The following UBR3 variants were observed in gnomAD, a reference collection of about 807,000 sequenced individuals.
UBR3 encodes the protein E3 ubiquitin-protein ligase UBR3.
UBR3 carries 85 observed loss-of-function variants against 243.2 expected under a neutral mutation model. That is an observed-to-expected ratio of 0.35 (90% CI 0.29 to 0.42). The LOEUF (loss-of-function observed/expected upper bound fraction) is 0.42. Ranked by LOEUF, UBR3 falls within the 10% of genes least tolerant of loss-of-function variation. UBR3 has a pLI of 1.00. For synonymous variants in UBR3, 748 were observed against 799.8 expected, an observed-to-expected ratio of 0.94 and a Z score of 1.09; for missense variants, 1,686 against 2,300.8, an observed-to-expected ratio of 0.73 and a Z score of 5.47.
At chr2:169,864,876 C>T (rs1226776223) in intron 1 of UBR3, among the ~76,000 whole-genome samples, 2 of 142,936 alleles carry the variant, frequency 1.4e-5, no homozygotes, top group Admixed American at 7.3e-5. Context: ...CACTGCACTC[C>T]AGCCCGGGTG....
At position 170,047,231 on chromosome 2, in the gene UBR3, G is replaced by A. The variant is rs140706357; in HGVS notation, c.4660+6246G>A. Among the ~76,000 whole-genome samples the A allele has an allele frequency of 6.5e-3, 991 of 152,024 alleles. 3 individuals carry two copies. Among genetic ancestry groups the A allele is most frequent in the Non-Finnish European group, 9.4e-3 (638 of 67,986 alleles). On this transcript the variant is annotated intron_variant, in intron 32 of 38. Coordinates refer to ENST00000272793, the MANE Select transcript of UBR3 (RefSeq NM_172070.4). ...TCACTTTGTTGCCCAGGCTGGTCTCGAACTCTGGGCTCAAGGAATCCACCT... is the reference window on the plus strand; with the variant it reads ...TCACTTTGTTGCCCAGGCTGGTCTCAAACTCTGGGCTCAAGGAATCCACCT...
intron 32 of UBR3, among the ~76,000 whole-genome samples, chr2:170,048,652 G>A (rs992961618): frequency 2.6e-5 from 4 of 152,070 alleles, no homozygotes; most frequent in African/African-American, 9.7e-5. Flanking sequence ...TTCCAAATTC[G>A]TAAACCTTGT....
chr2:169,833,813 G>T (rs73022442), intron 1 of UBR3, among the ~76,000 whole-genome samples: 1 of 150,266 alleles, frequency 6.7e-6, no homozygotes, highest in Non-Finnish European at 1.5e-5. Context: ...ACAGGTTCTC[G>T]CAGTGTCTCC....
intron 27 of UBR3, among the ~76,000 whole-genome samples, chr2:170,004,638 C>T (rs1179036845): frequency 1.3e-5 from 2 of 152,004 alleles, no homozygotes; most frequent in African/African-American, 2.4e-5. Context: ...GGGCCAGGTA[C>T]GGTGGCTCAT....
chr2:169,982,949 C>T (rs765437153), intron 24 of UBR3, among the ~76,000 whole-genome samples: 3 of 152,128 alleles, frequency 2.0e-5, no homozygotes, highest in Non-Finnish European at 4.4e-5. Context: ...AATTGTGGGT[C>T]TGTGATCTGC....
chr2:169,879,359 A>C (rs908303186), intron 5 of UBR3, among the ~76,000 whole-genome samples: 2 of 152,288 alleles, frequency 1.3e-5, no homozygotes, highest in African/African-American at 4.8e-5. Flanking sequence ...TCTGTTGTGG[A>C]AGTCTTGTAA....
rs759396741 is a variant in UBR3 at position 169,957,717 on chromosome 2, AAAATT to A, written c.3546-719_3546-715del. On this transcript the variant is annotated intron_variant, in intron 23 of 38. Coordinates refer to ENST00000272793, the MANE Select transcript of UBR3 (RefSeq NM_172070.4). The stretch of plus-strand genomic sequence containing the variant: ...CCTAGAACTTAAAGTATAATAAAAT[AAAATT>A]AGCCGTTAAGCTACAAAAAGAAAAA... Among the ~76,000 whole-genome samples, 27 of 152,202 alleles carry A rather than the reference AAAATT, an allele frequency of 1.8e-4. 1 individual carries two copies. Among genetic ancestry groups the A allele is most frequent in the Admixed American group, 6.5e-5 (1 of 15,272 alleles).
intron 1 of UBR3, among the ~76,000 whole-genome samples, chr2:169,838,384 CATTT>C (rs201935545): frequency 1.1e-3 from 142 of 133,574 alleles, no homozygotes; most frequent in African/African-American, 3.6e-3. Flanking sequence ...AAGATTAAGG[CATTT>C]GTGTGTGTGT....
At chr2:169,957,052 G>A (rs944521748) in intron 23 of UBR3, among the ~76,000 whole-genome samples, 2 of 152,024 alleles carry the variant, frequency 1.3e-5, no homozygotes, top group Non-Finnish European at 1.5e-5. Flanking sequence ...TATCTCTTCC[G>A]TGAACTAACA....
chr2:169,887,624 G>A (rs2084153133), intron 5 of UBR3, among the ~76,000 whole-genome samples: 1 of 152,124 alleles, frequency 6.6e-6, no homozygotes, highest in South Asian at 2.1e-4. Context: ...TTAAAAAGAT[G>A]TTTATTAACT....
chr2:169,833,517 C>T (rs960237205), intron 1 of UBR3, among the ~76,000 whole-genome samples: 1 of 152,116 alleles, frequency 6.6e-6, no homozygotes, highest in Non-Finnish European at 1.5e-5. Flanking sequence ...GGCTGCTATA[C>T]CCAAAAAGTT....
intron 6 of UBR3, among the ~76,000 whole-genome samples, chr2:169,893,403 A>G (rs992275564): frequency 2.0e-4 from 31 of 152,212 alleles, no homozygotes; most frequent in African/African-American, 7.5e-4. Flanking sequence ...TATGAATTCT[A>G]TGATTAATAG....
chr2:169,946,227 C>G (rs2086789311), intron 20 of UBR3, 61 bp from the exon 21 acceptor site: 3 of 984,662 alleles, frequency 3.0e-6, no homozygotes, highest in Non-Finnish European at 4.4e-6. Context: ...TTTTGGATCT[C>G]TAAATGAAAT....
intron 22 of UBR3, among the ~76,000 whole-genome samples, chr2:169,948,566 A>C (rs1426413848): frequency 6.6e-6 from 1 of 152,018 alleles, no homozygotes; most frequent in Non-Finnish European, 1.5e-5. Flanking sequence ...TGAATCAGAC[A>C]TTTCTTCTAG....
intron 1 of UBR3, among the ~76,000 whole-genome samples, chr2:169,832,101 A>C (rs907087188): frequency 6.6e-6 from 1 of 152,298 alleles, no homozygotes; most frequent in East Asian, 1.9e-4. Context: ...TCAAATTAGC[A>C]ATTATAGAAC....
At chr2:170,063,297 A>G (rs368423549) in intron 35 of UBR3, among the ~76,000 whole-genome samples, 2 of 152,314 alleles carry the variant, frequency 1.3e-5, no homozygotes, top group African/African-American at 4.8e-5. Context: ...GAGGAAATAC[A>G]GGGCAGATGC....
At chr2:169,876,000 A>G in intron 3 of UBR3, 51 bp downstream of exon 3, 1 of 1,353,070 alleles carries the variant, frequency 7.4e-7, no homozygotes, top group Non-Finnish European at 9.7e-7. Context: ...TACTATAATG[A>G]TAAGAAATTG....
chr2:169,859,771 C>T (rs898639182), intron 1 of UBR3, among the ~76,000 whole-genome samples: 9 of 151,894 alleles, frequency 5.9e-5, no homozygotes, highest in African/African-American at 2.2e-4. Flanking sequence ...GGCTGGAGTG[C>T]AGTCGCATGA....
chr2:170,067,623 A>G (rs1211444468), intron 35 of UBR3, among the ~76,000 whole-genome samples: 5 of 152,160 alleles, frequency 3.3e-5, no homozygotes, highest in Non-Finnish European at 7.3e-5. Flanking sequence ...TAAAGTATCA[A>G]TTTTCAAAGA....
Sources: gnomAD v4.1 joint callset for allele counts (sites outside exome capture counted in the v4.1 genomes callset) on GRCh38, gnomAD v4.1.1 for gene constraint, MANE v1.5 for transcripts, NCBI Gene and HGNC (gene_info 2026-07-23, HGNC 2026-07-21) for gene names.